The following UNC93A variants were observed in gnomAD, a reference collection of about 807,000 sequenced individuals.
The protein encoded by UNC93A is N-acetylglucosamine transporter UNC93A.
A neutral mutation model predicts 47.5 loss-of-function variants in UNC93A; 43 were observed. That is an observed-to-expected ratio of 0.91 (90% CI 0.71 to 1.17). UNC93A has a LOEUF of 1.17. UNC93A is among the 50% of genes most tolerant of loss of function. UNC93A has a pLI of 0.00. For missense variants in UNC93A, 605 were observed against 577.6 expected (o/e 1.05, Z -0.49); for synonymous variants, 280 against 258.0 (o/e 1.09, Z -0.82).
At chr6:167,270,801 G>T (rs1311075108), upstream of UNC93A, among the ~76,000 whole-genome samples, 1 of 152,208 alleles carries the variant, frequency 6.6e-6, no homozygotes, top group African/African-American at 2.4e-5. Flanking sequence ...AGAGCTAAGA[G>T]CAAGGCATTG....
upstream of UNC93A, chr6:167,291,238 G>A: frequency 2.7e-6 from 1 of 369,602 alleles, no homozygotes; most frequent in Admixed American, 4.5e-5. Flanking sequence ...ATACAAAGTG[G>A]ACATTGTGGA....
intron 1 of UNC93A, among the ~76,000 whole-genome samples, chr6:167,278,416 G>A (rs1783578461): frequency 6.6e-6 from 1 of 152,232 alleles, no homozygotes; most frequent in Non-Finnish European, 1.5e-5. Context: ...CACGGTGGGT[G>A]CATGAGGCTG....
At chr6:167,274,031 T>C (rs1428928813) in intron 1 of UNC93A, among the ~76,000 whole-genome samples, 3 of 152,270 alleles carry the variant, frequency 2.0e-5, no homozygotes, top group Middle Eastern at 6.8e-3. Context: ...CTACAGAATA[T>C]AGACTTTCCC....
chr6:167,290,957 G>A (rs1783829581), upstream of UNC93A, among the ~76,000 whole-genome samples: 1 of 152,074 alleles, frequency 6.6e-6, no homozygotes, highest in Non-Finnish European at 1.5e-5. Flanking sequence ...CTAAGACTTT[G>A]GCCCCAGGAT....
At chr6:167,274,953 A>G (rs1284242739) in intron 1 of UNC93A, among the ~76,000 whole-genome samples, 4 of 152,190 alleles carry the variant, frequency 2.6e-5, no homozygotes. Context: ...GAGAAAAAAT[A>G]AGTCCTTCAT....
Position 167,294,664 on chromosome 6 carries a change from G to C in UNC93A, c.235G>C (p.Val79Leu). ...GTIILSMCGY[V>L]AFSVGNFFAS... ...CATCATCCTCTCCATGTGTGGCTACGTGGCCTTCTCCGTGGGCAACTTCTT... is the reference window on the plus strand; with the variant it reads ...CATCATCCTCTCCATGTGTGGCTACCTGGCCTTCTCCGTGGGCAACTTCTT... The change falls in exon 2 of 8, where the codon GTG becomes CTG. Residue 79 changes from valine (V) to leucine (L), a missense_variant. Transcript: ENST00000230256. 1 of 1,605,712 alleles carries C rather than the reference G, an allele frequency of 6.2e-7. No homozygotes were observed. The highest frequency in any genetic ancestry group is 1.1e-5 in the South Asian group (1 of 90,694).
upstream of UNC93A, among the ~76,000 whole-genome samples, chr6:167,287,805 C>G (rs777139675): frequency 3.9e-5 from 6 of 152,138 alleles, no homozygotes; most frequent in Non-Finnish European, 8.8e-5. Flanking sequence ...ACACGATCCC[C>G]CTGACTATGA....
Position 167,307,424 on chromosome 6 carries a change from ACGG to A in UNC93A, c.977-354_977-352del, listed in dbSNP as rs1778428912. On this transcript the variant is annotated intron_variant, in intron 6 of 7. Coordinates refer to ENST00000230256, the MANE Select transcript of UNC93A (RefSeq NM_018974.4). The stretch of plus-strand genomic sequence containing the variant: ...GAGACAGTTCCAGAGGATGGTTGAG[ACGG>A]TTGAGATGGTTGAGACAGTTCCAGA... Among the ~76,000 whole-genome samples, 8 of 118,838 alleles carry A rather than the reference ACGG, an allele frequency of 6.7e-5. No individual in the cohort carries two copies. In the South Asian group the frequency reaches 2.3e-3, roughly 34 times the overall value. The allele number at this position is 118,838 out of a possible 152,430, so 78.0% of individuals were successfully genotyped here.
chr6:167,306,142 C>T (rs1778385117), intron 6 of UNC93A, 92 bp downstream of exon 6: 1 of 1,552,704 alleles, frequency 6.4e-7, no homozygotes, highest in South Asian at 1.1e-5. Flanking sequence ...TGGAAAAGTG[C>T]CCCTGAAACT....
chr6:167,311,499 T>C (rs1044444067), intron 7 of UNC93A, among the ~76,000 whole-genome samples: 1 of 152,238 alleles, frequency 6.6e-6, no homozygotes, highest in African/African-American at 2.4e-5. Context: ...TCCCCGCCAA[T>C]GCGCTGCCAT....
chr6:167,297,827 A>C, intron 3 of UNC93A, 118 bp from the exon 4 acceptor site: 1 of 1,306,724 alleles, frequency 7.7e-7, no homozygotes, highest in Non-Finnish European at 1.1e-6. Context: ...CGTGACCTGT[A>C]GTGATGCCTC....
Position 167,315,463 on chromosome 6 carries a change from G to A in UNC93A, c.*11G>A, listed in dbSNP as rs1183487972. 3.7e-6 allele frequency: 6 copies of A among 1,613,820 alleles called. No individual in the cohort carries two copies. In the South Asian group the frequency reaches 5.5e-5, roughly 15 times the overall value. ...CAAACAAAAATGTGAGAGCAGTGAG[G>A]TCCGAGGAGGATGAACTCAGAAAGC... On this transcript the variant is annotated 3_prime_UTR_variant, in exon 8 of 8. Transcript: ENST00000230256.
At position 167,307,830 on chromosome 6, in the gene UNC93A, G is replaced by A. The variant is rs143452023; in HGVS notation, c.1028G>A (p.Arg343His). The A allele has an allele frequency of 1.5e-5, 24 of 1,614,086 alleles. No homozygotes were observed. In the East Asian group the frequency reaches 1.8e-4, roughly 12 times the overall value. The change falls in exon 7 of 8, where the codon CGT becomes CAT. Residue 343 changes from arginine to histidine, a missense_variant. Coordinates refer to ENST00000230256, the MANE Select transcript of UNC93A (RefSeq NM_018974.4). ...ATTGCCCTACTGCTGTGGAGACCTC[G>A]TGCTGACCATCTGGCAGTGTTCTTC... Reference protein sequence around the residue: ...CMIALLLWRPRADHLAVFFVF... With the variant: ...CMIALLLWRPHADHLAVFFVF...
In UNC93A at chr6:167,315,439, A is replaced by C; in HGVS notation, c.1361A>C (p.Gln454Pro). 6.2e-7 allele frequency: 1 copy of C among 1,613,992 alleles called. No individual in the cohort carries two copies. The highest frequency in any genetic ancestry group is 8.5e-7 in the Non-Finnish European group (1 of 1,179,868). ...QVNQAEDEEI[Q>P]TKM ...AACCAGGCAGAGGATGAAGAAATAC[A>C]AACAAAAATGTGAGAGCAGTGAGGT... is the stretch of plus-strand genomic sequence containing the variant. The change falls in exon 8 of 8, where the codon CAA becomes CCA. Residue 454 changes from glutamine (Q) to proline (P), a missense_variant. Coordinates refer to ENST00000230256, the MANE Select transcript of UNC93A (RefSeq NM_018974.4).
intron 1 of UNC93A, among the ~76,000 whole-genome samples, chr6:167,282,181 G>A (rs1783645118): frequency 6.6e-6 from 1 of 152,186 alleles, no homozygotes; most frequent in Admixed American, 6.5e-5. Flanking sequence ...AGAGCTGGGG[G>A]ATGCCTCAGT....
intron 1 of UNC93A, among the ~76,000 whole-genome samples, chr6:167,293,285 T>A (rs1264280178): frequency 2.0e-5 from 3 of 152,128 alleles, no homozygotes; most frequent in African/African-American, 7.2e-5. Context: ...TCTCATGATG[T>A]CAGCCCTTCC....
intron 1 of UNC93A, among the ~76,000 whole-genome samples, chr6:167,284,760 G>A (rs1237033396): frequency 6.6e-6 from 1 of 152,188 alleles, no homozygotes; most frequent in Non-Finnish European, 1.5e-5. Flanking sequence ...CTGGTCCCGT[G>A]TCCGGGGTGC....
chr6:167,280,178 C>A (rs978802454), intron 1 of UNC93A, among the ~76,000 whole-genome samples: 1 of 152,102 alleles, frequency 6.6e-6, no homozygotes. Context: ...ACTCAAAAGC[C>A]GAGGATGAGG....
intron 3 of UNC93A, among the ~76,000 whole-genome samples, chr6:167,297,245 G>A (rs903670285): frequency 2.6e-5 from 4 of 152,170 alleles, no homozygotes; most frequent in Non-Finnish European, 4.4e-5. Flanking sequence ...TGGGGCTGGA[G>A]GGATTTGGAG....
Sources: allele counts gnomAD v4.1 joint callset (sites outside exome capture counted in the v4.1 genomes callset), GRCh38; gene constraint gnomAD v4.1.1; transcripts MANE v1.5; gene names NCBI Gene and HGNC (gene_info 2026-07-23, HGNC 2026-07-21).